Variants in WWP2 observed in about 807,000 individuals in gnomAD.
The protein encoded by WWP2 is WW domain containing E3 ubiquitin protein ligase 2, also known as NEDD4-like E3 ubiquitin-protein ligase WWP2.
WWP2 carries 57 observed loss-of-function variants against 121.0 expected under a neutral mutation model. The ratio of observed to expected loss-of-function variants is 0.47; its 90% CI spans 0.38 to 0.59. The LOEUF (loss-of-function observed/expected upper bound fraction) is 0.59, where lower values mean the gene tolerates loss of function less well. Among genes scored for constraint, WWP2 ranks in the 20% least tolerant of loss-of-function variants. The probability of loss-of-function intolerance (pLI) is 0.00; values close to 1 mark genes in which losing one functional copy is unlikely to be tolerated. For missense variants in WWP2, 962 were observed against 1,158.9 expected, an observed-to-expected ratio of 0.83 and a Z score of 2.47; for synonymous variants, 449 against 441.3, an observed-to-expected ratio of 1.02 and a Z score of -0.22.
At chr16:69,939,173 C>T (rs762197919) in intron 22 of WWP2, 50 bp downstream of exon 22, 1 of 1,568,028 alleles carries the variant, frequency 6.4e-7, no homozygotes, top group South Asian at 1.1e-5. Flanking sequence ...GCGGACAGCT[C>T]AGAGGGAGGG....
intron 1 of WWP2, among the ~76,000 whole-genome samples, chr16:69,779,540 C>T (rs1344436405): frequency 2.0e-5 from 3 of 152,058 alleles, no homozygotes; most frequent in South Asian, 2.1e-4. Flanking sequence ...GTTTTGCGGC[C>T]CTGAAGTGTA....
At chr16:69,860,055 G>T (rs1386564478) in intron 6 of WWP2, among the ~76,000 whole-genome samples, 1 of 152,040 alleles carries the variant, frequency 6.6e-6, no homozygotes, top group East Asian at 1.9e-4. Flanking sequence ...TCTCTAATGG[G>T]CCAGCCATGG....
chr16:69,852,355 C>T (rs1000463175), intron 6 of WWP2, among the ~76,000 whole-genome samples: 1 of 151,890 alleles, frequency 6.6e-6, no homozygotes, highest in African/African-American at 2.4e-5. Flanking sequence ...CGGCTTACTG[C>T]ACCCTCCACC....
intron 6 of WWP2, among the ~76,000 whole-genome samples, chr16:69,864,374 T>C (rs2057480688): frequency 6.6e-6 from 1 of 151,928 alleles, no homozygotes; most frequent in Non-Finnish European, 1.5e-5. Context: ...AATATTAATT[T>C]TTAAAAATAC....
chr16:69,802,639 C>T (rs1197415058), intron 4 of WWP2, among the ~76,000 whole-genome samples: 1 of 149,232 alleles, frequency 6.7e-6, no homozygotes, highest in South Asian at 2.1e-4. Flanking sequence ...CTCGCACTGT[C>T]GCTCAGGCTG....
chr16:69,798,575 G>C (rs936242963), intron 2 of WWP2, 107 bp from the exon 3 acceptor site: 8 of 1,289,816 alleles, frequency 6.2e-6, no homozygotes, highest in Non-Finnish European at 8.3e-6. Context: ...AAAATGTATT[G>C]ATTTATTTTT....
intron 7 of WWP2, among the ~76,000 whole-genome samples, chr16:69,884,956 G>A (rs1044002631): frequency 1.3e-5 from 2 of 152,124 alleles, no homozygotes; most frequent in Non-Finnish European, 2.9e-5. Context: ...AATTATTTAA[G>A]CCTATTTCTG....
intron 19 of WWP2, 179 bp from the exon 20 acceptor site, chr16:69,936,933 TGTCTGC>T: frequency 1.4e-6 from 1 of 697,448 alleles, no homozygotes; most frequent in Non-Finnish European, 2.3e-6. Context: ...AAGACTCCGG[TGTCTGC>T]AGGTCACTGT....
Position 69,930,117 on chromosome 16 carries a change from C to T in WWP2, c.1317-13C>T. The T allele has an allele frequency of 1.9e-6, 3 of 1,613,902 alleles. No individual in the cohort carries two copies. The highest frequency in any genetic ancestry group is 1.7e-6 in the Non-Finnish European group (2 of 1,179,898). On this transcript the variant is annotated splice_polypyrimidine_tract_variant and intron_variant, in intron 12 of 23. Coordinates refer to ENST00000359154, the MANE Select transcript of WWP2 (RefSeq NM_001270454.2). ...GGGGCCAGCCCTTCACCCTTTTCTT[C>T]CCGTGTTTCCAGGATGATCCAGGAA... is the stretch of plus-strand genomic sequence containing the variant.
Position 69,871,923 on chromosome 16 carries a change from A to G in WWP2, c.695A>G (p.Asn232Ser), listed in dbSNP as rs568343453. The change falls in exon 7 of 24, where the codon AAT (asparagine) becomes AGT (serine). Residue 232 changes from asparagine (N) to serine (S), a missense_variant. By Grantham distance (46) the Asn-to-Ser change is conservative. Coordinates refer to ENST00000359154, the MANE Select transcript of WWP2 (RefSeq NM_001270454.2). ...VKNSGHSGLA[N>S]GTVNDEPTTA... Reference sequence around the variant, plus strand: ...AACTCAGGCCACAGTGGCTTGGCCAATGGCACAGGTGAGTGATGGCACCGC... The same window carrying G: ...AACTCAGGCCACAGTGGCTTGGCCAGTGGCACAGGTGAGTGATGGCACCGC... 10 of 1,613,566 alleles carry G rather than the reference A, an allele frequency of 6.2e-6. No homozygotes were observed. The highest frequency in any genetic ancestry group is 3.3e-5 in the Admixed American group (2 of 59,978).
chr16:69,929,294 T>A (rs1467369412), intron 11 of WWP2, among the ~76,000 whole-genome samples, 154 bp from the exon 12 acceptor site: 1 of 150,140 alleles, frequency 6.7e-6, no homozygotes, highest in Non-Finnish European at 1.5e-5. Flanking sequence ...CAGTGACAAG[T>A]GTGAGTGAGC....
chr16:69,846,510 CAGG>C (rs891086385), intron 6 of WWP2, among the ~76,000 whole-genome samples: 3 of 152,090 alleles, frequency 2.0e-5, no homozygotes, highest in African/African-American at 7.2e-5. Context: ...CACTTGAGGT[CAGG>C]AGTTCAAGAC....
intron 4 of WWP2, among the ~76,000 whole-genome samples, chr16:69,832,136 T>G (rs976441364): frequency 2.6e-5 from 4 of 151,668 alleles, no homozygotes; most frequent in African/African-American, 9.7e-5. Flanking sequence ...GCCTTCTTTG[T>G]TTGTTTGTTT....
chr16:69,913,027 T>A (rs1597151543), intron 9 of WWP2, among the ~76,000 whole-genome samples: 2 of 41,448 alleles, frequency 4.8e-5, no homozygotes, highest in African/African-American at 2.2e-4. Context: ...TTTTTTTTTT[T>A]TTTTTTTTTT....
At position 69,939,961 on chromosome 16, in the gene WWP2, C is replaced by A; in HGVS notation, c.*21C>A. 1 of 1,593,628 alleles carries A rather than the reference C, an allele frequency of 6.3e-7. No homozygotes were observed. The highest frequency in any genetic ancestry group is 8.6e-7 in the Non-Finnish European group (1 of 1,165,808). On this transcript the variant is annotated 3_prime_UTR_variant, in exon 24 of 24. Transcript: ENST00000359154. ...AGTAACCGAGGCCGCCCCTCCCACGCCCCCCAGCGCACATGTAGTCCTGAG... is the reference window on the plus strand; with the variant it reads ...AGTAACCGAGGCCGCCCCTCCCACGACCCCCAGCGCACATGTAGTCCTGAG...
chr16:69,830,134 T>C (rs1374717756), intron 4 of WWP2, among the ~76,000 whole-genome samples: 1 of 152,180 alleles, frequency 6.6e-6, no homozygotes, highest in East Asian at 1.9e-4. Context: ...TTTGTATTTT[T>C]AGTAGAGATG....
In WWP2 at chr16:69,915,258, C is replaced by T. The variant is rs572687980; in HGVS notation, c.1005-2451C>T. Among the ~76,000 whole-genome samples, 3 of 152,346 alleles carry T rather than the reference C, an allele frequency of 2.0e-5. No homozygotes were observed. In the East Asian group the frequency reaches 5.8e-4, roughly 29 times the overall value. ...AGTAAGGAAATGTACTTATAGTATT[C>T]TACATTGTCATCCAAACCCTGAATA... On this transcript the variant is annotated intron_variant, in intron 9 of 23. Transcript: ENST00000359154.
In WWP2 at chr16:69,916,330, G is replaced by A. The variant is rs1057143423; in HGVS notation, c.1005-1379G>A. On this transcript the variant is annotated intron_variant, in intron 9 of 23. Coordinates refer to ENST00000359154, the MANE Select transcript of WWP2 (RefSeq NM_001270454.2). ...CCACCTCAGCTGCCCAAGTAGCTGGGACCAAGGGCGCACACTCCACCACCC... is the reference window on the plus strand; with the variant it reads ...CCACCTCAGCTGCCCAAGTAGCTGGAACCAAGGGCGCACACTCCACCACCC... Among the ~76,000 whole-genome samples the A allele has an allele frequency of 4.5e-4, 68 of 152,176 alleles. 1 individual carries two copies. Among genetic ancestry groups the A allele is most frequent in the African/African-American group, 1.5e-3 (64 of 41,522 alleles).
At chr16:69,823,592 C>T (rs559650154) in intron 4 of WWP2, among the ~76,000 whole-genome samples, 1 of 152,112 alleles carries the variant, frequency 6.6e-6, no homozygotes, top group South Asian at 2.1e-4. Context: ...CTCAGCCTCC[C>T]AAGTAGCTGG....
Sources: gnomAD v4.1 joint callset for allele counts (sites outside exome capture counted in the v4.1 genomes callset) on GRCh38, gnomAD v4.1.1 for gene constraint, MANE v1.5 for transcripts, NCBI Gene and HGNC (gene_info 2026-07-23, HGNC 2026-07-21) for gene names.